The following WDR20 variants were observed in gnomAD, a reference collection of about 807,000 sequenced individuals.
WDR20 encodes WD repeat domain 20.
A neutral mutation model predicts 38.7 loss-of-function variants in WDR20; 3 were observed. The observed-to-expected ratio is 0.08, with a 90% CI of 0.04 to 0.20. The LOEUF (loss-of-function observed/expected upper bound fraction) is 0.20. WDR20 is among the 10% of genes least tolerant of loss of function. The pLI, the probability that WDR20 is intolerant of heterozygous loss-of-function variation, is 1.00. For missense variants in WDR20, 559 were observed against 727.7 expected (o/e 0.77, Z 2.67); for synonymous variants, 298 against 285.6 (o/e 1.04, Z -0.44).
intron 1 of WDR20, among the ~76,000 whole-genome samples, chr14:102,144,578 A>G (rs1023187408): frequency 1.3e-5 from 2 of 152,094 alleles, no homozygotes; most frequent in African/African-American, 4.8e-5. Flanking sequence ...TTTTATGGAC[A>G]TCTGTTTTTA....
At chr14:102,199,717 A>T (rs2059989268) in intron 2 of WDR20, among the ~76,000 whole-genome samples, 1 of 152,226 alleles carries the variant, frequency 6.6e-6, no homozygotes, top group Non-Finnish European at 1.5e-5. Flanking sequence ...GGATGGAAAG[A>T]TGAGTGAAAT....
intron 1 of WDR20, among the ~76,000 whole-genome samples, chr14:102,187,691 T>C (rs2065214721): frequency 6.6e-6 from 1 of 151,704 alleles, no homozygotes; most frequent in African/African-American, 2.4e-5. Flanking sequence ...GTAGGGCGAA[T>C]TGCATGTGAT....
intron 1 of WDR20, among the ~76,000 whole-genome samples, chr14:102,183,302 G>GAA (rs1240281784): frequency 1.3e-4 from 20 of 152,298 alleles, no homozygotes; most frequent in Middle Eastern, 3.4e-3. Flanking sequence ...GCTCACGCCT[G>GAA]GTTGGATCAG....
At chr14:102,186,767 T>C (rs1032929797) in intron 1 of WDR20, among the ~76,000 whole-genome samples, 2 of 151,778 alleles carry the variant, frequency 1.3e-5, no homozygotes, top group Non-Finnish European at 2.9e-5. Flanking sequence ...CTGGCTAACA[T>C]GGTGAAATCC....
rs554522363 is a variant in WDR20, at chr14:102,172,320, C to T, written c.250-22618C>T. Among the ~76,000 whole-genome samples, 69 of 150,982 alleles carry T rather than the reference C, an allele frequency of 4.6e-4. 2 individuals are homozygous for T. Among genetic ancestry groups the T allele is most frequent in the African/African-American group, 1.7e-3 (69 of 41,500 alleles). On this transcript the variant is annotated intron_variant, in intron 1 of 2. Transcript: ENST00000342702. ...CCATGTCTGCTTCTTTCCACACAGA[C>T]ACAGCAACCATCCGATTTCTCAATC... is the stretch of plus-strand genomic sequence containing the variant.
rs147666445 is a variant in WDR20, at chr14:102,145,372, CAATG to C, written c.249+5203_249+5206del. Among the ~76,000 whole-genome samples the C allele has an allele frequency of 3.7e-3, 561 of 152,216 alleles. 1 individual carries two copies. Among genetic ancestry groups the C allele is most frequent in the Non-Finnish European group, 5.4e-3 (365 of 68,016 alleles). ...TAAAATAGGGAAATCGTGTAAGAGA[CAATG>C]AAGTAATAGTAAACAAATGACACAG... On this transcript the variant is annotated intron_variant, in intron 1 of 2. Transcript: ENST00000342702.
intron 1 of WDR20, among the ~76,000 whole-genome samples, chr14:102,192,842 A>G (rs2058739596): frequency 6.6e-6 from 1 of 151,926 alleles, no homozygotes; most frequent in African/African-American, 2.4e-5. Flanking sequence ...TTGTCTTGCT[A>G]TGTCATCTAG....
rs1330741816 is a variant in WDR20, at chr14:102,210,381, A to G, written c.*501A>G. 1 of 985,764 alleles carries G rather than the reference A, an allele frequency of 1.0e-6. No individual in the cohort carries two copies. Among genetic ancestry groups the G allele is most frequent in the African/African-American group, 1.7e-5 (1 of 57,376 alleles). The allele number at this position is 985,764 out of a possible 1,614,324, so 61.1% of individuals were successfully genotyped here. Reference sequence around the variant, plus strand: ...TTAGGAATCTATGAAATTTAACTTTAGGAACAAAACGTTTAGCAGGGTTGA... The same window carrying G: ...TTAGGAATCTATGAAATTTAACTTTGGGAACAAAACGTTTAGCAGGGTTGA... On this transcript the variant is annotated 3_prime_UTR_variant, in exon 3 of 3. Coordinates refer to ENST00000342702, the MANE Select transcript of WDR20 (RefSeq NM_144574.4).
At chr14:102,172,988 G>A in intron 1 of WDR20, among the ~76,000 whole-genome samples, 1 of 150,262 alleles carries the variant, frequency 6.7e-6, no homozygotes, top group African/African-American at 2.4e-5. Flanking sequence ...GCGGGGCAAA[G>A]GCACTCCCCA....
chr14:102,140,293 C>A, intron 1 of WDR20, 121 bp downstream of exon 1: 1 of 1,455,040 alleles, frequency 6.9e-7, no homozygotes, highest in Non-Finnish European at 9.2e-7. Context: ...TTGAGTGGGC[C>A]GGTAACTCCA....
At position 102,170,154 on chromosome 14, in the gene WDR20, G is replaced by A. The variant is rs2152818108; in HGVS notation, c.250-24784G>A. 1.3e-5 allele frequency among the ~76,000 whole-genome samples: 2 copies of A among 152,222 alleles called. 1 individual carries two copies. Among genetic ancestry groups the A allele is most frequent in the South Asian group, 4.1e-4 (2 of 4,826 alleles). Reference sequence around the variant, plus strand: ...TTTTGATTTGTATACTTCGGAGATTGTTCTTTGTCAATAAAGACATTATTG... The same window carrying A: ...TTTTGATTTGTATACTTCGGAGATTATTCTTTGTCAATAAAGACATTATTG... On this transcript the variant is annotated intron_variant, in intron 1 of 2. Transcript: ENST00000342702.
At chr14:102,173,833 A>T (rs2061499669) in intron 1 of WDR20, among the ~76,000 whole-genome samples, 1 of 152,088 alleles carries the variant, frequency 6.6e-6, no homozygotes, top group South Asian at 2.1e-4. Context: ...TCATGAGGTC[A>T]GGAGATCGAG....
intron 2 of WDR20, chr14:102,197,835 A>G (rs904579629): frequency 1.4e-6 from 1 of 702,836 alleles, no homozygotes; most frequent in Non-Finnish European, 2.6e-6. Context: ...AGGAGGCTCT[A>G]GTAACTGTCC....
chr14:102,208,512 TC>T lies in WDR20; in HGVS notation c.433-88del, dbSNP rs1567061157. ...GGAGGGCCTGGATAGACTTGCCCCT[TC>T]CCATCGAGAAGCACACAAGTTTTCT... is the stretch of plus-strand genomic sequence containing the variant. On this transcript the variant is annotated intron_variant, in intron 2 of 2. Transcript: ENST00000342702. This position sits in a 1 kb window ranked among gnomAD's most constrained non-coding sequence, Gnocchi z 5.6. The T allele has an allele frequency of 1.4e-6, 2 of 1,481,362 alleles. No homozygotes were observed. Among genetic ancestry groups the T allele is most frequent in the Non-Finnish European group, 1.8e-6 (2 of 1,116,854 alleles). The allele number at this position is 1,481,362 out of a possible 1,614,324, so 91.8% of individuals were successfully genotyped here.
At chr14:102,218,213 G>A (rs1419062872), downstream of WDR20, among the ~76,000 whole-genome samples, 4 of 152,264 alleles carry the variant, frequency 2.6e-5, no homozygotes, top group Non-Finnish European at 5.9e-5. Context: ...GACCTTGGGG[G>A]TTGAATGACC....
At chr14:102,215,726 G>A (rs74082259), downstream of WDR20, among the ~76,000 whole-genome samples, 16,338 of 152,122 alleles carry the variant, frequency 0.11, 994 homozygotes, top group African/African-American at 0.16. Flanking sequence ...TTGTGCTGGC[G>A]TGAGGTTGTC....
intron 1 of WDR20, chr14:102,193,537 A>G (rs1237899688): frequency 4.3e-6 from 7 of 1,610,636 alleles, no homozygotes; most frequent in African/African-American, 1.3e-5. Context: ...GAGTGTCCGC[A>G]TGGCATGCAC....
rs1377698175 is a variant in WDR20 at position 102,194,931 on chromosome 14, C to T, written c.250-7C>T. ...TTACTGTATGTATTTTTCTCTTTCTCCTCCAGGCTGCTGACTTGAGTAAAC... is the reference window on the plus strand; with the variant it reads ...TTACTGTATGTATTTTTCTCTTTCTTCTCCAGGCTGCTGACTTGAGTAAAC... On this transcript the variant is annotated splice_region_variant and splice_polypyrimidine_tract_variant and intron_variant, in intron 1 of 2. Coordinates refer to ENST00000342702, the MANE Select transcript of WDR20 (RefSeq NM_144574.4). The T allele has an allele frequency of 1.9e-6, 3 of 1,612,892 alleles. No individual in the cohort carries two copies. Among genetic ancestry groups the T allele is most frequent in the African/African-American group, 1.3e-5 (1 of 74,954 alleles).
chr14:102,184,019 C>T (rs1053906752), intron 1 of WDR20, among the ~76,000 whole-genome samples: 5 of 152,132 alleles, frequency 3.3e-5, no homozygotes, highest in Admixed American at 2.6e-4. Flanking sequence ...CTTGCCTTTT[C>T]GTCAGTGTGA....
Sources: gnomAD v4.1 joint callset for allele counts (sites outside exome capture counted in the v4.1 genomes callset) on GRCh38, gnomAD v4.1.1 for gene constraint, Gnocchi (gnomAD v3.1) non-coding constraint, MANE v1.5 for transcripts, NCBI Gene and HGNC (gene_info 2026-07-23, HGNC 2026-07-21) for gene names.